EXOC2: variants seen among roughly 807,000 people sequenced by gnomAD.
EXOC2 encodes the protein exocyst complex component 2.
Under a neutral mutation model 131.8 loss-of-function variants are expected in EXOC2, and 70 were observed. The observed-to-expected ratio is 0.53, with a 90% CI of 0.44 to 0.65. The LOEUF (loss-of-function observed/expected upper bound fraction) is 0.65, where lower values mean the gene tolerates loss of function less well. Among genes scored for constraint, EXOC2 ranks in the 30% least tolerant of loss-of-function variants. EXOC2 has a pLI of 0.00. For synonymous variants in EXOC2, 411 were observed against 398.4 expected (o/e 1.03, Z -0.38); for missense variants, 923 against 1,108.6 (o/e 0.83, Z 2.38).
chr6:590,070 G>A (rs368798257), intron 11 of EXOC2, among the ~76,000 whole-genome samples: 20 of 150,916 alleles, frequency 1.3e-4, no homozygotes, highest in African/African-American at 4.6e-4. Context: ...AGCTGAGATC[G>A]AGCCACTGCA....
At chr6:598,315 A>T (rs1486164802) in intron 9 of EXOC2, among the ~76,000 whole-genome samples, 192 bp from the exon 10 acceptor site, 1 of 152,214 alleles carries the variant, frequency 6.6e-6, no homozygotes, top group Non-Finnish European at 1.5e-5. Context: ...ACTGACCTCT[A>T]ACATGTGAGG....
chr6:656,941 TCATGATGC>T (rs2127750797), intron 1 of EXOC2: 1 of 1,518,486 alleles, frequency 6.6e-7, no homozygotes, highest in East Asian at 2.5e-5. Context: ...GCGCGAAACT[TCATGATGC>T]CACAGGGAAG....
At chr6:529,342 G>A (rs998765575) in intron 23 of EXOC2, among the ~76,000 whole-genome samples, 10 of 152,304 alleles carry the variant, frequency 6.6e-5, no homozygotes, top group Admixed American at 3.9e-4. Flanking sequence ...GCCGGTGTTC[G>A]GCATACACTA....
chr6:521,137 CTACACTCACTGT>C (rs1229199241), intron 23 of EXOC2, among the ~76,000 whole-genome samples: 16 of 150,112 alleles, frequency 1.1e-4, no homozygotes, highest in Admixed American at 2.0e-4. Flanking sequence ...CACCGAGTGC[CTACACTCACTGT>C]CCACACTCGG....
At chr6:615,936 T>C (rs1304206413) in intron 6 of EXOC2, among the ~76,000 whole-genome samples, 1 of 152,182 alleles carries the variant, frequency 6.6e-6, no homozygotes, top group Non-Finnish European at 1.5e-5. Context: ...TTATTGCCAA[T>C]TTGGTTAACT....
intron 24 of EXOC2, 138 bp downstream of exon 24, chr6:499,507 C>G (rs1763924622): frequency 1.6e-6 from 1 of 632,008 alleles, no homozygotes; most frequent in Admixed American, 2.7e-5. Context: ...CGAGCAAGAG[C>G]TGAACTGTAT....
intron 7 of EXOC2, among the ~76,000 whole-genome samples, chr6:599,784 A>C (rs1173233011): frequency 6.6e-6 from 1 of 152,196 alleles, no homozygotes; most frequent in African/African-American, 2.4e-5. Context: ...ACAAATGTGA[A>C]GGCAGCATCA....
At chr6:532,862 G>GC (rs1766169909) in intron 22 of EXOC2, among the ~76,000 whole-genome samples, 1 of 152,136 alleles carries the variant, frequency 6.6e-6, no homozygotes, top group Non-Finnish European at 1.5e-5. Context: ...ATAAAGAACT[G>GC]CCCAAGATTA....
chr6:574,002 C>T (rs1360499096), intron 12 of EXOC2, among the ~76,000 whole-genome samples: 1 of 152,218 alleles, frequency 6.6e-6, no homozygotes, highest in Non-Finnish European at 1.5e-5. Flanking sequence ...AGCTTGGCTT[C>T]TTCCATTTAG....
intron 1 of EXOC2, chr6:679,301 G>C (rs1235680677): frequency 6.6e-6 from 1 of 152,024 alleles, no homozygotes; most frequent in Non-Finnish European, 1.5e-5. Context: ...AATTGAGAAG[G>C]TATAAGCTTA....
intron 1 of EXOC2, among the ~76,000 whole-genome samples, chr6:671,738 T>G (rs1763881014): frequency 6.6e-6 from 1 of 152,166 alleles, no homozygotes; most frequent in Non-Finnish European, 1.5e-5. Flanking sequence ...GGGTCTTTTT[T>G]CCTTACTTGT....
intron 21 of EXOC2, among the ~76,000 whole-genome samples, chr6:553,207 G>A (rs528878296): frequency 4.5e-4 from 69 of 152,284 alleles, no homozygotes; most frequent in African/African-American, 1.5e-3. Flanking sequence ...CATGACAACC[G>A]TGCCTGGCCA....
intron 23 of EXOC2, among the ~76,000 whole-genome samples, chr6:530,835 A>T (rs1056958918): frequency 1.3e-5 from 2 of 152,272 alleles, no homozygotes; most frequent in Non-Finnish European, 2.9e-5. Context: ...GGGGACCCAG[A>T]TGGCTGCATC....
intron 11 of EXOC2, among the ~76,000 whole-genome samples, chr6:586,159 A>C (rs575609461): frequency 6.6e-6 from 1 of 152,198 alleles, no homozygotes; most frequent in Non-Finnish European, 1.5e-5. Context: ...CAATTCAAGG[A>C]AACAGCAGGT....
At chr6:680,609 A>G (rs1305890570) in intron 1 of EXOC2, among the ~76,000 whole-genome samples, 2 of 152,140 alleles carry the variant, frequency 1.3e-5, no homozygotes, top group African/African-American at 4.8e-5. Context: ...CTGGCTGGAG[A>G]TCCAGGCAGC....
chr6:581,540 C>G (rs147832721), intron 11 of EXOC2, among the ~76,000 whole-genome samples: 1 of 152,020 alleles, frequency 6.6e-6, no homozygotes, highest in African/African-American at 2.4e-5. Context: ...AAATCATCAC[C>G]GTAGTATTTC....
At chr6:634,807 G>A (rs1480096782) in intron 2 of EXOC2, among the ~76,000 whole-genome samples, 1 of 151,346 alleles carries the variant, frequency 6.6e-6, no homozygotes, top group Non-Finnish European at 1.5e-5. Flanking sequence ...TTTCAAAATG[G>A]GCATGTCTTT....
intron 1 of EXOC2, among the ~76,000 whole-genome samples, chr6:660,774 A>G (rs566597199): frequency 6.6e-6 from 1 of 152,300 alleles, no homozygotes; most frequent in African/African-American, 2.4e-5. Context: ...ACACTAGTTC[A>G]CCAGCTATGG....
chr6:488,396 G>C (rs1193270492), intron 27 of EXOC2, among the ~76,000 whole-genome samples: 1 of 152,174 alleles, frequency 6.6e-6, no homozygotes, highest in African/African-American at 2.4e-5. Context: ...ACCTGGCCTA[G>C]ATTTTCTCTT....
Sources: gnomAD v4.1 joint callset for allele counts (sites outside exome capture counted in the v4.1 genomes callset) on GRCh38, gnomAD v4.1.1 for gene constraint, MANE v1.5 for transcripts, NCBI Gene and HGNC (gene_info 2026-07-23, HGNC 2026-07-21) for gene names.